The following PTPRK variants were observed in gnomAD, a reference collection of about 807,000 sequenced individuals.
PTPRK encodes receptor-type tyrosine-protein phosphatase kappa.
A neutral mutation model predicts 178.0 loss-of-function variants in PTPRK; 75 were observed. That is an observed-to-expected ratio of 0.42 (90% CI 0.35 to 0.51). The LOEUF (loss-of-function observed/expected upper bound fraction) is 0.51, where lower values mean the gene tolerates loss of function less well. Ranked by LOEUF, PTPRK falls within the 20% of genes least tolerant of loss-of-function variation. The pLI is 0.02. For missense variants in PTPRK, 1,441 were observed against 1,797.8 expected (o/e 0.80, Z 3.59); for synonymous variants, 637 against 620.6 (o/e 1.03, Z -0.39).
chr6:128,106,149 A>G (rs1422175339), intron 7 of PTPRK, among the ~76,000 whole-genome samples: 1 of 152,238 alleles, frequency 6.6e-6, no homozygotes, highest in Non-Finnish European at 1.5e-5. Context: ...TAAGGATAAA[A>G]TAAGATGCGA....
At chr6:128,000,049 C>G in intron 15 of PTPRK, 1 of 966,172 alleles carries the variant, frequency 1.0e-6, no homozygotes, top group Non-Finnish European at 1.2e-6. Context: ...GAGAAGCATG[C>G]TCATATTTAT....
intron 3 of PTPRK, among the ~76,000 whole-genome samples, chr6:128,253,247 G>A (rs900725573): frequency 1.3e-5 from 2 of 152,158 alleles, no homozygotes; most frequent in African/African-American, 4.8e-5. Context: ...GCAATTAAAA[G>A]AGGAAAATAA....
intron 2 of PTPRK, among the ~76,000 whole-genome samples, chr6:128,374,120 C>T (rs904077455): frequency 4.6e-5 from 7 of 152,200 alleles, no homozygotes; most frequent in African/African-American, 1.7e-4. Context: ...CTAAGTTCAC[C>T]TGAATCATTC....
intron 6 of PTPRK, among the ~76,000 whole-genome samples, chr6:128,200,849 G>A (rs1323663647): frequency 1.5e-5 from 2 of 134,558 alleles, no homozygotes; most frequent in African/African-American, 5.4e-5. Flanking sequence ...GAGGAGGAGG[G>A]GGGGAGGAGG....
At chr6:127,975,818 T>C (rs1774501684) in intron 27 of PTPRK, among the ~76,000 whole-genome samples, 1 of 152,084 alleles carries the variant, frequency 6.6e-6, no homozygotes, top group South Asian at 2.1e-4. Context: ...ACTACAGGCA[T>C]GCCACCACCA....
At chr6:128,508,008 G>A (rs1167341253) in intron 1 of PTPRK, among the ~76,000 whole-genome samples, 1 of 152,098 alleles carries the variant, frequency 6.6e-6, no homozygotes, top group Non-Finnish European at 1.5e-5. Flanking sequence ...TTGAGACTAT[G>A]GAAAGACTAC....
chr6:128,105,137 T>TC, intron 7 of PTPRK, among the ~76,000 whole-genome samples: 2 of 151,966 alleles, frequency 1.3e-5, no homozygotes, highest in Middle Eastern at 6.8e-3. Context: ...TTTCTTTTTT[T>TC]TTTTTTTTTC....
In PTPRK at chr6:128,467,139, A is replaced by G. The variant is rs551104890; in HGVS notation, c.100+53120T>C. Among the ~76,000 whole-genome samples the G allele has an allele frequency of 3.9e-5, 6 of 152,188 alleles. No individual in the cohort carries two copies. The South Asian group carries it at 6.2e-4, about 16-fold the overall frequency. On this transcript the variant is annotated intron_variant, in intron 1 of 29. Coordinates refer to ENST00000368226, the MANE Select transcript of PTPRK (RefSeq NM_002844.4). ...CTCAGTCTCCCAAGTAGCTGTGACTACAGGTGAGCACCACCGCGCCCGGCT... is the reference window on the plus strand; with the variant it reads ...CTCAGTCTCCCAAGTAGCTGTGACTGCAGGTGAGCACCACCGCGCCCGGCT...
chr6:128,008,849 T>C (rs1178001655), intron 14 of PTPRK, among the ~76,000 whole-genome samples: 1 of 151,062 alleles, frequency 6.6e-6, no homozygotes, highest in Non-Finnish European at 1.5e-5. Flanking sequence ...ATAAGATAAA[T>C]GATCTCAAGT....
At chr6:128,338,641 T>C (rs567196342) in intron 2 of PTPRK, among the ~76,000 whole-genome samples, 2 of 146,934 alleles carry the variant, frequency 1.4e-5, no homozygotes, top group East Asian at 2.0e-4. Flanking sequence ...CTAGGTCCTG[T>C]GCTTTGCTGC....
chr6:128,462,600 G>T (rs576819416), intron 1 of PTPRK, among the ~76,000 whole-genome samples: 8 of 151,316 alleles, frequency 5.3e-5, no homozygotes, highest in African/African-American at 1.7e-4. Flanking sequence ...AAAATGGAAG[G>T]CTATCTGGGA....
intron 1 of PTPRK, among the ~76,000 whole-genome samples, chr6:128,479,677 A>C (rs1851811596): frequency 6.6e-6 from 1 of 152,106 alleles, no homozygotes; most frequent in South Asian, 2.1e-4. Flanking sequence ...TTTGAAAGAG[A>C]AATGATTAGA....
At chr6:128,394,937 A>G (rs769133059) in intron 2 of PTPRK, among the ~76,000 whole-genome samples, 25 of 152,198 alleles carry the variant, frequency 1.6e-4, no homozygotes, top group Admixed American at 2.6e-4. Context: ...ACACAGTTCA[A>G]TAACAAGTTA....
Position 127,995,362 on chromosome 6 carries a change from T to C in PTPRK, c.2844+100A>G, listed in dbSNP as rs530162905. 1.7e-5 allele frequency: 26 copies of C among 1,527,410 alleles called. No individual in the cohort carries two copies. The Admixed American group carries it at 4.3e-4, about 25-fold the overall frequency. 94.6% of individuals were successfully genotyped at this position (1,527,410 alleles called of 1,614,324 possible). A position where few individuals can be genotyped will look rare whatever the true frequency, so the allele number is the denominator to read the frequency against. ...AGGAAAAGTGTACAGTTTGTACTTTTATATTTTAAAAAGCTAGCAATCACT... is the reference window on the plus strand; with the variant it reads ...AGGAAAAGTGTACAGTTTGTACTTTCATATTTTAAAAAGCTAGCAATCACT... On this transcript the variant is annotated intron_variant, in intron 18 of 29. Transcript: ENST00000368226.
chr6:128,399,196 T>TA (rs1379627489), intron 1 of PTPRK, among the ~76,000 whole-genome samples: 4 of 151,732 alleles, frequency 2.6e-5, no homozygotes, highest in Non-Finnish European at 4.4e-5. Flanking sequence ...TTCTTCTCTG[T>TA]AAAAAAAAGG....
intron 5 of PTPRK, among the ~76,000 whole-genome samples, chr6:128,236,938 T>C (rs1388532389): frequency 6.6e-6 from 1 of 152,202 alleles, no homozygotes; most frequent in Non-Finnish European, 1.5e-5. Context: ...CTCAGGCAAT[T>C]CATTGTTTGT....
At chr6:128,202,297 C>T (rs532197356) in intron 6 of PTPRK, among the ~76,000 whole-genome samples, 27 of 152,262 alleles carry the variant, frequency 1.8e-4, no homozygotes, top group African/African-American at 5.1e-4. Flanking sequence ...AACCCTGCCC[C>T]GGGGAAACCA....
At chr6:128,265,062 C>T (rs1047051137) in intron 3 of PTPRK, among the ~76,000 whole-genome samples, 4 of 152,036 alleles carry the variant, frequency 2.6e-5, no homozygotes, top group South Asian at 2.1e-4. Flanking sequence ...TTATCAGCAG[C>T]GTGAAAACAG....
intron 7 of PTPRK, among the ~76,000 whole-genome samples, chr6:128,142,544 T>C (rs986703186): frequency 1.3e-5 from 2 of 151,430 alleles, no homozygotes; most frequent in Non-Finnish European, 2.9e-5. Flanking sequence ...ATATAAAATA[T>C]ATACATAATA....
Sources: gnomAD v4.1 joint callset for allele counts (sites outside exome capture counted in the v4.1 genomes callset) on GRCh38, gnomAD v4.1.1 for gene constraint, MANE v1.5 for transcripts, NCBI Gene and HGNC (gene_info 2026-07-23, HGNC 2026-07-21) for gene names.